CPQ: variants seen among roughly 807,000 people sequenced by gnomAD.
The protein encoded by CPQ is Ser-Met dipeptidase.
Under a neutral mutation model 45.7 loss-of-function variants are expected in CPQ, and 37 were observed. The observed-to-expected ratio is 0.81, with a 90% CI of 0.62 to 1.07. The LOEUF (loss-of-function observed/expected upper bound fraction) is 1.07. Among genes scored for constraint, CPQ ranks in the 50% least tolerant of loss-of-function variants. The pLI, the probability that CPQ is intolerant of heterozygous loss-of-function variation, is 0.00. For synonymous variants in CPQ, 186 were observed against 205.8 expected, an observed-to-expected ratio of 0.90 and a Z score of 0.82; for missense variants, 537 against 572.9, an observed-to-expected ratio of 0.94 and a Z score of 0.64.
At chr8:97,045,265 C>T (rs1810222341) in intron 6 of CPQ, among the ~76,000 whole-genome samples, 1 of 152,208 alleles carries the variant, frequency 6.6e-6, no homozygotes, top group African/African-American at 2.4e-5. Context: ...ATCAGTGAGA[C>T]TCCGTGGGCA....
intron 1 of CPQ, among the ~76,000 whole-genome samples, chr8:96,685,484 G>A (rs918992591): frequency 1.3e-5 from 2 of 151,932 alleles, no homozygotes; most frequent in Admixed American, 1.3e-4. Context: ...ACTTTTTGAA[G>A]TTCATTTTTT....
At chr8:96,839,429 A>AC (rs374382013) in intron 3 of CPQ, among the ~76,000 whole-genome samples, 9 of 151,458 alleles carry the variant, frequency 5.9e-5, no homozygotes, top group South Asian at 4.2e-4. Flanking sequence ...ATCAACTGAG[A>AC]CCCCCCCATT....
chr8:97,022,985 G>GTATA (rs1325866351), intron 5 of CPQ, among the ~76,000 whole-genome samples: 1 of 144,308 alleles, frequency 6.9e-6, no homozygotes, highest in African/African-American at 2.5e-5. Context: ...ACTGTATATA[G>GTATA]TATATATATA....
At chr8:96,924,844 A>G (rs556438622) in intron 4 of CPQ, among the ~76,000 whole-genome samples, 2 of 152,338 alleles carry the variant, frequency 1.3e-5, no homozygotes, top group South Asian at 4.1e-4. Context: ...TTTAAATGCC[A>G]TCTACTTTGG....
intron 6 of CPQ, among the ~76,000 whole-genome samples, chr8:97,041,522 C>T (rs1037038426): frequency 2.1e-3 from 316 of 152,228 alleles, no homozygotes; most frequent in African/African-American, 7.1e-3. Flanking sequence ...CAACACTATG[C>T]TGAATAGGAG....
intron 5 of CPQ, among the ~76,000 whole-genome samples, chr8:96,983,616 G>A (rs1813945541): frequency 6.6e-6 from 1 of 152,088 alleles, no homozygotes; most frequent in Admixed American, 6.5e-5. Flanking sequence ...AAAGTACTGT[G>A]TCATTTGAAA....
At chr8:96,953,166 G>C (rs1586464504) in intron 4 of CPQ, among the ~76,000 whole-genome samples, 1 of 152,090 alleles carries the variant, frequency 6.6e-6, no homozygotes, top group South Asian at 2.1e-4. Context: ...AACATTAAGA[G>C]TTTCTTCTCT....
intron 1 of CPQ, among the ~76,000 whole-genome samples, chr8:96,784,225 G>A (rs1166630434): frequency 2.0e-5 from 3 of 152,020 alleles, no homozygotes; most frequent in Non-Finnish European, 4.4e-5. Context: ...ACAGTTAATT[G>A]GTAACAAAGC....
At position 96,835,153 on chromosome 8, in the gene CPQ, G is replaced by A. The variant is rs993482496; in HGVS notation, c.614G>A (p.Arg205Gln). 9 of 1,544,408 alleles carry A rather than the reference G, an allele frequency of 5.8e-6. No individual in the cohort carries two copies. The African/African-American group carries it at 1.1e-4, about 19-fold the overall frequency. Residue 205 changes from arginine to glutamine, a missense_variant, in exon 3 of 8, where the codon CGA (arginine) becomes CAA (glutamine). Coordinates refer to ENST00000220763, the MANE Select transcript of CPQ (RefSeq NM_016134.4). ...GTGGGGGCTTTGGCATCTCTCATTC[G>A]ATCCGTGGCCTCCTTCTCCATCTAC... ...AKVGALASLI[R>Q]SVASFSIYSP... is the part of the protein sequence containing the mutation.
chr8:96,911,084 AC>A (rs976826846), intron 4 of CPQ, among the ~76,000 whole-genome samples: 1 of 152,102 alleles, frequency 6.6e-6, no homozygotes, highest in African/African-American at 2.4e-5. Flanking sequence ...TAAGACCAAA[AC>A]CATTTTCTTG....
chr8:96,991,242 T>C (rs537074164), intron 5 of CPQ, among the ~76,000 whole-genome samples: 3 of 152,284 alleles, frequency 2.0e-5, no homozygotes, highest in Admixed American at 1.3e-4. Context: ...GTCTTCTCCT[T>C]TGTTAAATGT....
intron 4 of CPQ, among the ~76,000 whole-genome samples, chr8:96,894,330 A>T (rs1380388782): frequency 1.3e-5 from 2 of 152,220 alleles, no homozygotes; most frequent in East Asian, 3.8e-4. Flanking sequence ...GGGGTAAACT[A>T]ATACAGCAAT....
Position 96,869,870 on chromosome 8 carries a change from A to T in CPQ, c.642-9928A>T, listed in dbSNP as rs144300200. Among the ~76,000 whole-genome samples the T allele has an allele frequency of 5.0e-3, 759 of 152,148 alleles. 6 individuals are homozygous for T. The highest frequency in any genetic ancestry group is 8.5e-3 in the Non-Finnish European group (577 of 67,958). ...ACTGAAAATAAAGGTCAAAGAGGTGATTCTATAATGAAAGAAAGTTGGTGT... is the reference window on the plus strand; with the variant it reads ...ACTGAAAATAAAGGTCAAAGAGGTGTTTCTATAATGAAAGAAAGTTGGTGT... On this transcript the variant is annotated intron_variant, in intron 3 of 7. Coordinates refer to ENST00000220763, the MANE Select transcript of CPQ (RefSeq NM_016134.4).
At chr8:96,871,346 C>A (rs1008637157) in intron 3 of CPQ, among the ~76,000 whole-genome samples, 10 of 152,040 alleles carry the variant, frequency 6.6e-5, no homozygotes, top group Admixed American at 5.3e-4. Flanking sequence ...CTGCCTAGAT[C>A]GAACACTGAT....
At chr8:96,965,199 T>C (rs1813534551) in intron 4 of CPQ, among the ~76,000 whole-genome samples, 1 of 152,126 alleles carries the variant, frequency 6.6e-6, no homozygotes, top group Admixed American at 6.5e-5. Context: ...AAATAAATTA[T>C]TGTTCTCATT....
intron 1 of CPQ, among the ~76,000 whole-genome samples, chr8:96,702,117 T>A (rs1430186075): frequency 6.6e-6 from 1 of 152,200 alleles, no homozygotes; most frequent in Non-Finnish European, 1.5e-5. Flanking sequence ...TTTGCAGAAC[T>A]GCGGGGTTAA....
chr8:97,020,086 A>G (rs1417923666), intron 5 of CPQ, among the ~76,000 whole-genome samples: 1 of 152,164 alleles, frequency 6.6e-6, no homozygotes, highest in Admixed American at 6.5e-5. Context: ...CTTCAAAACC[A>G]GGCAAATACA....
intron 4 of CPQ, among the ~76,000 whole-genome samples, chr8:96,902,044 G>A (rs1309322434): frequency 6.6e-6 from 1 of 152,054 alleles, no homozygotes; most frequent in Non-Finnish European, 1.5e-5. Flanking sequence ...AAAGGAAGGA[G>A]CTACTGAGAG....
At chr8:96,734,731 TAAAATAAATAAAATA>T (rs1328868161) in intron 1 of CPQ, among the ~76,000 whole-genome samples, 8 of 144,302 alleles carry the variant, frequency 5.5e-5, no homozygotes, top group Non-Finnish European at 7.6e-5. Context: ...TAAAATAAAA[TAAAATAAATAAAATA>T]AAATAAAATA....
Sources: allele counts gnomAD v4.1 joint callset (sites outside exome capture counted in the v4.1 genomes callset), GRCh38; gene constraint gnomAD v4.1.1; transcripts MANE v1.5; gene names NCBI Gene and HGNC (gene_info 2026-07-23, HGNC 2026-07-21).